MANBAL: variants seen among roughly 807,000 people sequenced by gnomAD.
MANBAL encodes the protein protein MANBAL.
In MANBAL, 1 loss-of-function variant was observed where a neutral mutation model predicts 6.4. That is an observed-to-expected ratio of 0.16 (90% CI 0.06 to 0.74). The LOEUF is 0.74. Ranked by LOEUF, MANBAL falls within the 30% of genes least tolerant of loss-of-function variation. The pLI, the probability that MANBAL is intolerant of heterozygous loss-of-function variation, is 0.78. For synonymous variants in MANBAL, 47 were observed against 45.8 expected (o/e 1.03, Z -0.10); for missense variants, 100 against 107.8 (o/e 0.93, Z 0.32).
At chr20:37,291,826 T>G (rs889379842) in intron 1 of MANBAL, among the ~76,000 whole-genome samples, 2 of 152,226 alleles carry the variant, frequency 1.3e-5, no homozygotes, top group African/African-American at 4.8e-5. Flanking sequence ...ACATAAGACA[T>G]GCCCTTGCCT....
intron 2 of MANBAL, among the ~76,000 whole-genome samples, chr20:37,302,725 T>C (rs1273720862): frequency 6.6e-6 from 1 of 152,158 alleles, no homozygotes; most frequent in Non-Finnish European, 1.5e-5. Flanking sequence ...TTGGTTTTCA[T>C]AGCATTCTGA....
chr20:37,301,982 G>T (rs1054013856), intron 2 of MANBAL, among the ~76,000 whole-genome samples: 3 of 152,188 alleles, frequency 2.0e-5, no homozygotes, highest in Non-Finnish European at 4.4e-5. Context: ...CACAGAGGGG[G>T]CATGATGAGT....
At chr20:37,290,347 A>G (rs1810567393) in intron 1 of MANBAL, among the ~76,000 whole-genome samples, 1 of 152,138 alleles carries the variant, frequency 6.6e-6, no homozygotes, top group Admixed American at 6.5e-5. Context: ...TTTGCATTCT[A>G]ATCTAGTTTT....
chr20:37,309,473 A>G (rs1265724155), intron 2 of MANBAL, among the ~76,000 whole-genome samples: 4 of 152,172 alleles, frequency 2.6e-5, no homozygotes, highest in Admixed American at 2.0e-4. Flanking sequence ...CAGGGTCCCC[A>G]TGGAAAAGAG....
At chr20:37,306,725 G>T (rs1463258251) in intron 2 of MANBAL, among the ~76,000 whole-genome samples, 5 of 152,176 alleles carry the variant, frequency 3.3e-5, no homozygotes, top group Admixed American at 6.5e-5. Flanking sequence ...CTGATCAATT[G>T]CTTGGTGGCC....
At chr20:37,315,151 A>G (rs6094271) in intron 2 of MANBAL, among the ~76,000 whole-genome samples, 3,171 of 152,314 alleles carry the variant, frequency 0.021, 111 homozygotes, top group African/African-American at 0.073. Flanking sequence ...CCTCACTGCC[A>G]TGAGGGAATG....
At chr20:37,307,142 T>C (rs1159578710) in intron 2 of MANBAL, among the ~76,000 whole-genome samples, 1 of 152,136 alleles carries the variant, frequency 6.6e-6, no homozygotes, top group Non-Finnish European at 1.5e-5. Flanking sequence ...TTAAATAATT[T>C]TTTTGTAGAG....
intron 2 of MANBAL, among the ~76,000 whole-genome samples, chr20:37,304,361 A>G (rs1044970805): frequency 1.3e-5 from 2 of 152,230 alleles, no homozygotes; most frequent in African/African-American, 4.8e-5. Context: ...CTATATAACA[A>G]GGTACATTTA....
At chr20:37,314,625 A>G (rs1044365286) in intron 2 of MANBAL, among the ~76,000 whole-genome samples, 6 of 152,182 alleles carry the variant, frequency 3.9e-5, no homozygotes, top group African/African-American at 7.2e-5. Flanking sequence ...TGGTGGGAGG[A>G]GGCTCAGCAG....
chr20:37,308,337 G>T lies in MANBAL; in HGVS notation c.150+6924G>T, dbSNP rs979096087. Among the ~76,000 whole-genome samples, 7 of 152,174 alleles carry T rather than the reference G, an allele frequency of 4.6e-5. No individual in the cohort carries two copies. In the South Asian group the frequency reaches 1.5e-3, roughly 32 times the overall value. On this transcript the variant is annotated intron_variant, in intron 2 of 2. Transcript: ENST00000373606. ...TCTCAAGTGACAGGCAGAGCAGTGG[G>T]CAGGAGACCAGGAGAGTGTGGCCTC...
rs905879217 is a variant in MANBAL, at chr20:37,302,363, G to T, written c.150+950G>T. 5.2e-6 allele frequency: 8 copies of T among 1,549,472 alleles called. No homozygotes were observed. The Admixed American group carries it at 5.9e-5, about 11-fold the overall frequency. ...GAGCTGGTGCTATGTACTCCCTACT[G>T]TGTGGCATCAACAAGCAGGTGGTGT... On this transcript the variant is annotated intron_variant, in intron 2 of 2. Coordinates refer to ENST00000373606, the MANE Select transcript of MANBAL (RefSeq NM_001003897.2).
At chr20:37,306,501 A>G (rs2069262283) in intron 2 of MANBAL, among the ~76,000 whole-genome samples, 1 of 152,250 alleles carries the variant, frequency 6.6e-6, no homozygotes, top group South Asian at 2.1e-4. Flanking sequence ...CCAAGTCCCT[A>G]GAATCGTAAG....
intron 2 of MANBAL, among the ~76,000 whole-genome samples, chr20:37,313,130 G>A (rs1489586310): frequency 6.6e-6 from 1 of 152,114 alleles, no homozygotes; most frequent in East Asian, 1.9e-4. Flanking sequence ...TGTAATCCCA[G>A]CACTTTGGGA....
intron 2 of MANBAL, among the ~76,000 whole-genome samples, chr20:37,313,247 T>G (rs2069428085): frequency 6.6e-6 from 1 of 152,094 alleles, no homozygotes; most frequent in African/African-American, 2.4e-5. Flanking sequence ...AGCGGGTGCC[T>G]GTAGCCCCAG....
At chr20:37,293,015 A>G (rs556447210) in intron 1 of MANBAL, among the ~76,000 whole-genome samples, 1 of 152,312 alleles carries the variant, frequency 6.6e-6, no homozygotes, top group East Asian at 1.9e-4. Context: ...AACCACCTGT[A>G]TCTACGTTCA....
chr20:37,298,599 T>C (rs1449202831), intron 1 of MANBAL, among the ~76,000 whole-genome samples: 2 of 152,250 alleles, frequency 1.3e-5, no homozygotes, highest in African/African-American at 4.8e-5. Context: ...CCTTTATGGC[T>C]GAGTAATACT....
At chr20:37,296,124 T>TGTTACA (rs1403202747) in intron 1 of MANBAL, among the ~76,000 whole-genome samples, 1 of 152,212 alleles carries the variant, frequency 6.6e-6, no homozygotes, top group Middle Eastern at 3.2e-3. Flanking sequence ...TTAAATAAAA[T>TGTTACA]GAAAAATTCA....
chr20:37,304,105 C>T (rs2069203877), intron 2 of MANBAL, among the ~76,000 whole-genome samples: 1 of 152,206 alleles, frequency 6.6e-6, no homozygotes, highest in Non-Finnish European at 1.5e-5. Context: ...ACTACTAAGA[C>T]TCAGAATGAA....
At chr20:37,306,198 C>T (rs1600912104) in intron 2 of MANBAL, among the ~76,000 whole-genome samples, 1 of 152,290 alleles carries the variant, frequency 6.6e-6, no homozygotes, top group African/African-American at 2.4e-5. Context: ...CAAAATCTTC[C>T]CTCTTGCTTA....
Sources: gnomAD v4.1 joint callset for allele counts (sites outside exome capture counted in the v4.1 genomes callset) on GRCh38, gnomAD v4.1.1 for gene constraint, MANE v1.5 for transcripts, NCBI Gene and HGNC (gene_info 2026-07-23, HGNC 2026-07-21) for gene names.